The following OLFM3 variants were observed in gnomAD, a reference collection of about 807,000 sequenced individuals.
OLFM3 encodes the protein olfactomedin 3, also known as noelin-3.
A neutral mutation model predicts 48.6 loss-of-function variants in OLFM3; 20 were observed. That is an observed-to-expected ratio of 0.41 (90% confidence interval 0.29 to 0.60). The LOEUF (loss-of-function observed/expected upper bound fraction) is 0.60. OLFM3 is among the 20% of genes least tolerant of loss of function. The probability of loss-of-function intolerance (pLI) is 0.28; values close to 1 mark genes in which losing one functional copy is unlikely to be tolerated. For missense variants in OLFM3, 437 were observed against 544.3 expected (o/e 0.80, Z 1.96); for synonymous variants, 222 against 198.1 (o/e 1.12, Z -1.01).
chr1:101,884,598 G>A (rs1235875755), intron 1 of OLFM3, among the ~76,000 whole-genome samples: 1 of 151,960 alleles, frequency 6.6e-6, no homozygotes, highest in East Asian at 1.9e-4. Flanking sequence ...TAGGCTAACT[G>A]TAATATTTTG....
chr1:101,960,413 A>G (rs751817501), intron 1 of OLFM3, among the ~76,000 whole-genome samples: 5 of 152,210 alleles, frequency 3.3e-5, no homozygotes, highest in East Asian at 1.9e-4. Flanking sequence ...AGGGTAATCT[A>G]GGTCAAGGGC....
At position 101,824,156 on chromosome 1, in the gene OLFM3, C is replaced by T. The variant is rs529926196; in HGVS notation, c.592+870G>A. On this transcript the variant is annotated intron_variant, in intron 4 of 5. Transcript: ENST00000370103. The stretch of plus-strand genomic sequence containing the variant: ...ACTTCTCTTCCCAATTTTCCTGATC[C>T]ACAAAAGAATTTATTTATCTTGAGA... 2.0e-4 allele frequency among the ~76,000 whole-genome samples: 30 copies of T among 151,760 alleles called. No homozygotes were observed. The South Asian group carries it at 6.2e-3, about 32-fold the overall frequency.
intron 1 of OLFM3, among the ~76,000 whole-genome samples, chr1:101,928,276 T>C (rs537802621): frequency 2.2e-4 from 33 of 152,252 alleles, no homozygotes; most frequent in Non-Finnish European, 3.7e-4. Flanking sequence ...TTTGGAAATA[T>C]AGTCATTCAG....
intron 1 of OLFM3, among the ~76,000 whole-genome samples, chr1:101,852,119 C>T (rs903797199): frequency 4.6e-5 from 7 of 151,074 alleles, no homozygotes; most frequent in African/African-American, 1.7e-4. Flanking sequence ...TCATAAATAC[C>T]ACCATACTTT....
intron 1 of OLFM3, among the ~76,000 whole-genome samples, chr1:101,972,870 A>T (rs1660846936): frequency 6.6e-6 from 1 of 152,218 alleles, no homozygotes; most frequent in African/African-American, 2.4e-5. Context: ...AAGTGGGTTT[A>T]TAGATCTATC....
chr1:101,939,773 G>A (rs1427210791), intron 1 of OLFM3, among the ~76,000 whole-genome samples: 1 of 152,134 alleles, frequency 6.6e-6, no homozygotes, highest in Non-Finnish European at 1.5e-5. Flanking sequence ...AGTGGTGGAA[G>A]TTTTAAACAA....
chr1:101,893,507 T>G (rs1658081887), intron 1 of OLFM3: 1 of 288,706 alleles, frequency 3.5e-6, no homozygotes, highest in African/African-American at 2.3e-5. Context: ...CATCTCATGA[T>G]GAAAGAGACC....
chr1:101,985,717 TGGAAG>T (rs1003678411), intron 1 of OLFM3, among the ~76,000 whole-genome samples: 1 of 152,156 alleles, frequency 6.6e-6, no homozygotes, highest in African/African-American at 2.4e-5. Flanking sequence ...CAAAAACTAA[TGGAAG>T]GGAAGATACA....
At chr1:101,961,990 C>T (rs1251522710) in intron 1 of OLFM3, among the ~76,000 whole-genome samples, 3 of 152,098 alleles carry the variant, frequency 2.0e-5, no homozygotes, top group Non-Finnish European at 4.4e-5. Context: ...ACACTTCTGT[C>T]AACATTTTTC....
At chr1:101,960,933 A>G (rs1570669075) in intron 1 of OLFM3, among the ~76,000 whole-genome samples, 2 of 152,198 alleles carry the variant, frequency 1.3e-5, no homozygotes, top group African/African-American at 4.8e-5. Flanking sequence ...TATGATCATA[A>G]TAGTTCTAAC....
intron 1 of OLFM3, chr1:101,893,785 T>C (rs1029909603): frequency 6.5e-6 from 1 of 152,868 alleles, no homozygotes; most frequent in Non-Finnish European, 1.5e-5. Flanking sequence ...GAAGAGTCAC[T>C]TAATCATTGA....
At chr1:101,835,075 A>T (rs939179186) in intron 2 of OLFM3, among the ~76,000 whole-genome samples, 74 of 152,198 alleles carry the variant, frequency 4.9e-4, no homozygotes, top group African/African-American at 1.8e-3. Flanking sequence ...ATAGCAACAC[A>T]GAAGATAAAG....
At chr1:101,810,598 G>T (rs1410183429) in intron 4 of OLFM3, among the ~76,000 whole-genome samples, 1 of 151,774 alleles carries the variant, frequency 6.6e-6, no homozygotes, top group Non-Finnish European at 1.5e-5. Flanking sequence ...TCATTTCCAG[G>T]TTTTACATGC....
chr1:101,971,615 T>C (rs1490103776), intron 1 of OLFM3, among the ~76,000 whole-genome samples: 1 of 152,180 alleles, frequency 6.6e-6, no homozygotes, highest in East Asian at 1.9e-4. Flanking sequence ...TTATATTTAA[T>C]TGGGTATATG....
At chr1:101,921,200 T>TACACACACAC (rs142071103) in intron 1 of OLFM3, among the ~76,000 whole-genome samples, 15,812 of 148,032 alleles carry the variant, frequency 0.11, 954 homozygotes, top group Non-Finnish European at 0.16. Flanking sequence ...TTTAAGTTTA[T>TACACACACAC]ACACACACAC....
At chr1:101,821,194 C>T (rs115593032) in intron 4 of OLFM3, among the ~76,000 whole-genome samples, 1,694 of 152,042 alleles carry the variant, frequency 0.011, 21 homozygotes, top group Non-Finnish European at 0.015. Flanking sequence ...TTCAAGGGTT[C>T]TCAGAGATGA....
intron 1 of OLFM3, among the ~76,000 whole-genome samples, chr1:101,968,533 GAAAAAA>G (rs3082438): frequency 1.6e-4 from 19 of 118,518 alleles, no homozygotes; most frequent in Admixed American, 4.7e-4. Flanking sequence ...TTTTTGTTCT[GAAAAAA>G]AAAAAAAAAA....
chr1:101,840,542 C>T (rs569613940), intron 1 of OLFM3, among the ~76,000 whole-genome samples: 11 of 151,356 alleles, frequency 7.3e-5, no homozygotes, highest in Non-Finnish European at 1.5e-4. Flanking sequence ...GTGATCTCAG[C>T]TCACTGCAAC....
At chr1:101,827,284 T>C (rs1654906129) in intron 3 of OLFM3, among the ~76,000 whole-genome samples, 1 of 152,176 alleles carries the variant, frequency 6.6e-6, no homozygotes, top group African/African-American at 2.4e-5. Context: ...TACTTAACAT[T>C]CTTGATACGA....
Sources: allele counts gnomAD v4.1 joint callset (sites outside exome capture counted in the v4.1 genomes callset), GRCh38; gene constraint gnomAD v4.1.1; transcripts MANE v1.5; gene names NCBI Gene and HGNC (gene_info 2026-07-23, HGNC 2026-07-21).